Variants in ZRANB3 observed in about 807,000 individuals in gnomAD.
The protein encoded by ZRANB3 is zinc finger RANBP2-type containing 3.
ZRANB3 carries 125 observed loss-of-function variants against 133.8 expected under a neutral mutation model. That is an observed-to-expected ratio of 0.93 (90% CI 0.81 to 1.08). The LOEUF is 1.08. Ranked by LOEUF, ZRANB3 falls within the 50% of genes least tolerant of loss-of-function variation. The probability of loss-of-function intolerance (pLI) is 0.00; values close to 1 mark genes in which losing one functional copy is unlikely to be tolerated. For missense variants in ZRANB3, 1,229 were observed against 1,275.5 expected (o/e 0.96, Z 0.56); for synonymous variants, 387 against 432.7 (o/e 0.89, Z 1.31).
At chr2:135,406,750 G>C (rs1169245758) in intron 2 of ZRANB3, among the ~76,000 whole-genome samples, 1 of 152,068 alleles carries the variant, frequency 6.6e-6, no homozygotes, top group Admixed American at 6.6e-5. Context: ...ATGCAGAAAA[G>C]GCCTTTGACA....
intron 3 of ZRANB3, among the ~76,000 whole-genome samples, chr2:135,387,247 T>A (rs999995344): frequency 6.6e-6 from 1 of 152,196 alleles, no homozygotes; most frequent in African/African-American, 2.4e-5. Context: ...CATGAAAATC[T>A]ATTTTTAATT....
intron 6 of ZRANB3, among the ~76,000 whole-genome samples, chr2:135,334,864 C>T (rs2104852084): frequency 6.6e-6 from 1 of 152,042 alleles, no homozygotes; most frequent in Admixed American, 6.5e-5. Flanking sequence ...CACTGCACTC[C>T]AGCCTGGGCG....
intron 2 of ZRANB3, among the ~76,000 whole-genome samples, chr2:135,409,401 T>C (rs974456423): frequency 1.3e-5 from 2 of 152,136 alleles, no homozygotes; most frequent in African/African-American, 2.4e-5. Context: ...ATCATCTTCA[T>C]AGATGCTGAG....
chr2:135,331,544 G>A (rs1281204448), intron 6 of ZRANB3, among the ~76,000 whole-genome samples: 4 of 152,176 alleles, frequency 2.6e-5, no homozygotes, highest in Admixed American at 2.0e-4. Flanking sequence ...TTGATTTGGG[G>A]TGGAGAGTTC....
chr2:135,361,673 A>C (rs566126256), intron 3 of ZRANB3, among the ~76,000 whole-genome samples: 1 of 152,338 alleles, frequency 6.6e-6, no homozygotes, highest in Admixed American at 6.5e-5. Context: ...TGTTTGTTAT[A>C]AAAGAGATTG....
chr2:135,233,128 G>A (rs1055469794), intron 12 of ZRANB3, among the ~76,000 whole-genome samples: 21 of 152,306 alleles, frequency 1.4e-4, no homozygotes, highest in African/African-American at 5.1e-4. Context: ...ACCATGGCAC[G>A]AGAGCTATGT....
chr2:135,296,043 A>T (rs1262035871), intron 8 of ZRANB3, among the ~76,000 whole-genome samples: 1 of 151,968 alleles, frequency 6.6e-6, no homozygotes. Flanking sequence ...GGTGAATCTG[A>T]CAATTGTGTA....
intron 2 of ZRANB3, among the ~76,000 whole-genome samples, chr2:135,454,688 T>C (rs372062882): frequency 6.6e-6 from 1 of 152,186 alleles, no homozygotes; most frequent in Admixed American, 6.5e-5. Flanking sequence ...GAACATTTGG[T>C]ATTTAGTTTT....
At chr2:135,220,593 G>A (rs1694501565) in intron 15 of ZRANB3, among the ~76,000 whole-genome samples, 1 of 150,632 alleles carries the variant, frequency 6.6e-6, no homozygotes, top group Admixed American at 6.6e-5. Flanking sequence ...AGCTACTCCG[G>A]AGGCTGAGGC....
intron 3 of ZRANB3, chr2:135,355,243 T>C (rs779758691): frequency 1.4e-5 from 14 of 985,310 alleles, no homozygotes; most frequent in Non-Finnish European, 1.7e-5. Context: ...TGGATAATAA[T>C]TAGTATGTTT....
rs1220080364 is a variant in ZRANB3 at position 135,313,509 on chromosome 2, T to C, written c.946A>G (p.Lys316Glu). 6.2e-7 allele frequency: 1 copy of C among 1,612,858 alleles called. No individual in the cohort carries two copies. Among genetic ancestry groups the C allele is most frequent in the African/African-American group, 1.3e-5 (1 of 75,050 alleles). Residue 316 changes from lysine to glutamate, a missense_variant, in exon 8 of 21, where the codon AAA becomes GAA. By Grantham distance (56) the Lys-to-Glu change is moderately conservative (BLOSUM62 1). Transcript: ENST00000264159. ...TVMGLITRMF[K>E]QTAIAKAGAV... ...AGTACCTTGGCAATAGCAGTTTGTTTAAACATGCGAGTTATCAACCCCATG... is the reference window on the plus strand; with the variant it reads ...AGTACCTTGGCAATAGCAGTTTGTTCAAACATGCGAGTTATCAACCCCATG...
At chr2:135,477,383 A>AC (rs938035970) in intron 2 of ZRANB3, among the ~76,000 whole-genome samples, 1 of 152,190 alleles carries the variant, frequency 6.6e-6, no homozygotes. Context: ...TCCCTTGACA[A>AC]CCAGCTTCTA....
intron 6 of ZRANB3, among the ~76,000 whole-genome samples, chr2:135,324,612 G>C (rs1472697096): frequency 6.6e-6 from 1 of 152,124 alleles, no homozygotes; most frequent in Non-Finnish European, 1.5e-5. Flanking sequence ...TGGGATGGCT[G>C]GGTCAAATGG....
rs780302177 is a variant in ZRANB3, at chr2:135,353,480, A to G, written c.329T>C (p.Ile110Thr). 1 of 1,600,690 alleles carries G rather than the reference A, an allele frequency of 6.2e-7. No individual in the cohort carries two copies. Among genetic ancestry groups the G allele is most frequent in the South Asian group, 1.1e-5 (1 of 88,286 alleles). ...ATCAGTTTTATTCTGAATAACATTG[A>G]TTTCTTCTGGACTTAGCTCTGGGAT... ...KWIPELSPEEINVIQNKTDVR... is the reference protein window; with the variant it reads ...KWIPELSPEETNVIQNKTDVR... The change falls in exon 4 of 21, where the codon ATC (isoleucine) becomes ACC (threonine). Residue 110 changes from isoleucine to threonine, a missense_variant. By Grantham distance (89) the Ile-to-Thr change is moderately conservative. Coordinates refer to ENST00000264159, the MANE Select transcript of ZRANB3 (RefSeq NM_032143.4).
chr2:135,503,885 G>A (rs1462463611), intron 2 of ZRANB3, among the ~76,000 whole-genome samples: 3 of 151,892 alleles, frequency 2.0e-5, no homozygotes, highest in Non-Finnish European at 4.4e-5. Context: ...TGGCAAGATT[G>A]CTTAAAACCA....
At chr2:135,444,226 T>G (rs1689919380) in intron 2 of ZRANB3, among the ~76,000 whole-genome samples, 1 of 152,164 alleles carries the variant, frequency 6.6e-6, no homozygotes, top group Non-Finnish European at 1.5e-5. Flanking sequence ...CTTAGGAGGT[T>G]ATATAATATA....
chr2:135,507,367 C>T (rs1353751613), intron 1 of ZRANB3, among the ~76,000 whole-genome samples: 3 of 152,136 alleles, frequency 2.0e-5, no homozygotes, highest in Non-Finnish European at 2.9e-5. Context: ...TGGATACACA[C>T]AAGAAATATC....
intron 2 of ZRANB3, among the ~76,000 whole-genome samples, chr2:135,394,548 G>T (rs1328267181): frequency 2.6e-5 from 4 of 152,066 alleles, no homozygotes; most frequent in Non-Finnish European, 5.9e-5. Flanking sequence ...GATCACCTAG[G>T]AAGGAAGAGT....
rs1353017788 is a variant in ZRANB3, at chr2:135,453,202, G to A, written c.161+51127C>T. Among the ~76,000 whole-genome samples the A allele has an allele frequency of 2.0e-5, 3 of 152,208 alleles. No individual in the cohort carries two copies. The East Asian group carries it at 5.8e-4, about 29-fold the overall frequency. On this transcript the variant is annotated intron_variant, in intron 2 of 20. Transcript: ENST00000264159. ...GTGGCCCCTTTCAGCCATGGCTGGA[G>A]TGGCTGGGACACAAGACACCAAGTC...
Sources: gnomAD v4.1 joint callset for allele counts (sites outside exome capture counted in the v4.1 genomes callset) on GRCh38, gnomAD v4.1.1 for gene constraint, MANE v1.5 for transcripts, NCBI Gene and HGNC (gene_info 2026-07-23, HGNC 2026-07-21) for gene names.